The following CCDC178 variants were observed in gnomAD, a reference collection of about 807,000 sequenced individuals.
The protein encoded by CCDC178 is coiled-coil domain-containing protein 178.
In CCDC178, 126 loss-of-function variants were observed where a neutral mutation model predicts 117.4. The ratio of observed to expected loss-of-function variants is 1.07; its 90% CI spans 0.93 to 1.24. CCDC178 has a LOEUF of 1.24. CCDC178 is among the 50% of genes most tolerant of loss of function. The pLI, the probability that CCDC178 is intolerant of heterozygous loss-of-function variation, is 0.00. For synonymous variants in CCDC178, 283 were observed against 313.4 expected (o/e 0.90, Z 1.02); for missense variants, 1,030 against 986.9 (o/e 1.04, Z -0.59).
intron 14 of CCDC178, among the ~76,000 whole-genome samples, chr18:33,248,942 T>C (rs1257087433): frequency 1.3e-5 from 2 of 152,130 alleles, no homozygotes; most frequent in Non-Finnish European, 2.9e-5. Context: ...TTTCTTGACT[T>C]TTTAATGATC....
chr18:33,360,417 A>G (rs1322501610), intron 6 of CCDC178, among the ~76,000 whole-genome samples: 1 of 151,508 alleles, frequency 6.6e-6, no homozygotes, highest in Non-Finnish European at 1.5e-5. Context: ...TCAGCTATAA[A>G]AAGAAACAAA....
At chr18:33,288,249 TCTCCCCTTCC>T (rs2060124180) in intron 12 of CCDC178, among the ~76,000 whole-genome samples, 1 of 86,430 alleles carries the variant, frequency 1.2e-5, no homozygotes, top group African/African-American at 5.1e-5. Context: ...GCTCCCCTCC[TCTCCCCTTCC>T]CTCCCCTCCT....
In CCDC178 at chr18:33,327,976, T is replaced by C. The variant is rs1599167482; in HGVS notation, c.880-4343A>G. The C allele has an allele frequency of 9.0e-6, 3 of 334,258 alleles. No individual in the cohort carries two copies. In the East Asian group the frequency reaches 3.6e-4, roughly 41 times the overall value. The allele number at this position is 334,258 out of a possible 1,614,324, so 20.7% of individuals were successfully genotyped here. A position where few individuals can be genotyped will look rare whatever the true frequency, so the allele number is the denominator to read the frequency against. ...TTGTCTTTTTACTTTCTTGATAGTG[T>C]CCTTTGATGCAAGAATGCTTTTAAT... On this transcript the variant is annotated intron_variant, in intron 10 of 22. Transcript: ENST00000383096.
chr18:32,979,376 C>T (rs1235946552), intron 21 of CCDC178, among the ~76,000 whole-genome samples: 1 of 152,040 alleles, frequency 6.6e-6, no homozygotes. Flanking sequence ...GCAGGCTGGC[C>T]TTGAACTCCT....
At chr18:33,189,543 A>T (rs535833528) in intron 20 of CCDC178, among the ~76,000 whole-genome samples, 7 of 152,332 alleles carry the variant, frequency 4.6e-5, no homozygotes, top group African/African-American at 1.7e-4. Context: ...ACATTACAGG[A>T]TAGCATACAA....
chr18:33,420,224 C>T (rs568212506), intron 2 of CCDC178, among the ~76,000 whole-genome samples: 6 of 152,218 alleles, frequency 3.9e-5, no homozygotes, highest in African/African-American at 1.4e-4. Context: ...CATGTTCTCA[C>T]TTACATTGAG....
chr18:32,959,002 C>T (rs563875009), intron 22 of CCDC178, among the ~76,000 whole-genome samples: 2 of 152,180 alleles, frequency 1.3e-5, no homozygotes, highest in South Asian at 2.1e-4. Context: ...ACCAAATCCC[C>T]CAAATGTGGT....
At chr18:33,390,034 AT>A (rs1402761796) in intron 4 of CCDC178, among the ~76,000 whole-genome samples, 1 of 148,926 alleles carries the variant, frequency 6.7e-6, no homozygotes, top group African/African-American at 2.4e-5. Flanking sequence ...ATATACTATT[AT>A]ATATCTTAAT....
At chr18:33,362,907 T>G (rs189931151) in intron 6 of CCDC178, among the ~76,000 whole-genome samples, 86 of 151,772 alleles carry the variant, frequency 5.7e-4, no homozygotes, top group African/African-American at 1.9e-3. Flanking sequence ...GTTAATTTTA[T>G]GCGATGTGAA....
intron 21 of CCDC178, among the ~76,000 whole-genome samples, chr18:33,083,183 C>T (rs1567977176): frequency 6.6e-6 from 1 of 152,110 alleles, no homozygotes. Flanking sequence ...GATCAGGAAC[C>T]ACAGGCTCCA....
At chr18:33,202,170 G>A (rs976973334) in intron 20 of CCDC178, among the ~76,000 whole-genome samples, 1 of 151,814 alleles carries the variant, frequency 6.6e-6, no homozygotes, top group African/African-American at 2.4e-5. Flanking sequence ...CGAGGCAGGC[G>A]ATCAAGAGGT....
intron 6 of CCDC178, among the ~76,000 whole-genome samples, chr18:33,369,546 A>G (rs1201956548): frequency 6.6e-6 from 1 of 152,082 alleles, no homozygotes; most frequent in Admixed American, 6.6e-5. Flanking sequence ...TTTGAAAATA[A>G]TTGCCTTTCA....
At chr18:33,397,334 A>C in intron 3 of CCDC178, 126 bp from the exon 4 acceptor site, 1 of 541,942 alleles carries the variant, frequency 1.8e-6, no homozygotes, top group South Asian at 3.4e-5. Flanking sequence ...AGGCTAAATT[A>C]CATAAGAAAG....
Position 32,937,893 on chromosome 18 carries a change from T to C in CCDC178, c.*118A>G. ...CAAAGCATGCTGGGAGGTGAGTGAG[T>C]TTTTCGTTCATGGAAGTGTGAAATG... On this transcript the variant is annotated 3_prime_UTR_variant, in exon 23 of 23. Coordinates refer to ENST00000383096, the MANE Select transcript of CCDC178 (RefSeq NM_001105528.4). The C allele has an allele frequency of 1.4e-6, 1 of 740,004 alleles. No homozygotes were observed. Among genetic ancestry groups the C allele is most frequent in the Non-Finnish European group, 2.3e-6 (1 of 428,398 alleles). 45.8% of individuals were successfully genotyped at this position (740,004 alleles called of 1,614,324 possible). A position where few individuals can be genotyped will look rare whatever the true frequency, so the allele number is the denominator to read the frequency against.
At chr18:33,162,823 T>C (rs1311825143) in intron 20 of CCDC178, among the ~76,000 whole-genome samples, 1 of 152,210 alleles carries the variant, frequency 6.6e-6, no homozygotes, top group African/African-American at 2.4e-5. Flanking sequence ...TTTATTTATC[T>C]AATGTATCAC....
intron 2 of CCDC178, among the ~76,000 whole-genome samples, chr18:33,431,943 T>C (rs1208901404): frequency 6.6e-6 from 1 of 152,090 alleles, no homozygotes; most frequent in Admixed American, 6.6e-5. Flanking sequence ...AGTGAGGTGG[T>C]GATGGAAGAG....
intron 14 of CCDC178, among the ~76,000 whole-genome samples, chr18:33,249,549 G>C (rs1447419667): frequency 6.6e-6 from 1 of 151,968 alleles, no homozygotes; most frequent in African/African-American, 2.4e-5. Flanking sequence ...GCTTGTTTTT[G>C]TCAGGTTTGT....
At chr18:33,082,031 G>A (rs543161592) in intron 21 of CCDC178, among the ~76,000 whole-genome samples, 5 of 152,180 alleles carry the variant, frequency 3.3e-5, no homozygotes, top group South Asian at 2.1e-4. Flanking sequence ...CAGACTGTAC[G>A]AGTAAATTGC....
chr18:33,266,205 G>C (rs1258168778), intron 14 of CCDC178, among the ~76,000 whole-genome samples: 2 of 151,976 alleles, frequency 1.3e-5, no homozygotes, highest in Non-Finnish European at 2.9e-5. Flanking sequence ...TAAATTGTAG[G>C]CTGTTCTAAG....
Sources: gnomAD v4.1 joint callset for allele counts (sites outside exome capture counted in the v4.1 genomes callset) on GRCh38, gnomAD v4.1.1 for gene constraint, MANE v1.5 for transcripts, NCBI Gene and HGNC (gene_info 2026-07-23, HGNC 2026-07-21) for gene names.